Variants in ZFHX2 observed in about 807,000 individuals in gnomAD.
ZFHX2 encodes zinc finger homeobox protein 2.
A neutral mutation model predicts 164.8 loss-of-function variants in ZFHX2; 75 were observed. The ratio of observed to expected loss-of-function variants is 0.46; its 90% CI spans 0.38 to 0.55. The LOEUF (loss-of-function observed/expected upper bound fraction) is 0.55, where lower values mean the gene tolerates loss of function less well. ZFHX2 is among the 20% of genes least tolerant of loss of function. ZFHX2 has a pLI of 0.00. For synonymous variants in ZFHX2, 1,217 were observed against 1,351.4 expected (o/e 0.90, Z 2.18); for missense variants, 2,933 against 3,308.0 (o/e 0.89, Z 2.78).
chr14:23,522,542 C>A lies in ZFHX2; in HGVS notation c.7139G>T (p.Gly2380Val). Residue 2380 changes from glycine (G) to valine (V), a missense_variant, in exon 10 of 10, where the codon GGG (glycine) becomes GTG (valine). Coordinates refer to ENST00000419474, the MANE Select transcript of ZFHX2 (RefSeq NM_033400.3). ...YFQQLYGMKK[G>V]LFPMNPMIPQ... is the part of the protein sequence containing the mutation. ...TATCATGGGGTTCATGGGAAATAGC[C>A]CCTTCTTCATGCCATAGAGCTGTTG... 6.5e-7 allele frequency: 1 copy of A among 1,527,306 alleles called. No individual in the cohort carries two copies. Among genetic ancestry groups the A allele is most frequent in the South Asian group, 1.2e-5 (1 of 83,386 alleles). The allele number at this position is 1,527,306 out of a possible 1,614,324, so 94.6% of individuals were successfully genotyped here. A position where few individuals can be genotyped will look rare whatever the true frequency, so the allele number is the denominator to read the frequency against.
At position 23,532,882 on chromosome 14, in the gene ZFHX2, A is replaced by G; in HGVS notation, c.2244T>C (p.Ala748=). The G allele has an allele frequency of 6.5e-7, 1 of 1,536,228 alleles. No individual in the cohort carries two copies. The highest frequency in any genetic ancestry group is 8.7e-7 in the Non-Finnish European group (1 of 1,146,928). Residue 748 remains alanine (A), a synonymous_variant, in exon 3 of 10, where the codon GCT becomes GCC. Coordinates refer to ENST00000419474, the MANE Select transcript of ZFHX2 (RefSeq NM_033400.3). The part of the protein sequence containing the change: ...HCSIGRSLPE[A]EWKEVAGDTH... Reference sequence around the variant, plus strand: ...TGTCACCAGCCACCTCCTTCCATTCAGCTTCCGGGAGGCTCCGGCCTATGC... The same window carrying G: ...TGTCACCAGCCACCTCCTTCCATTCGGCTTCCGGGAGGCTCCGGCCTATGC...
At position 23,526,366 on chromosome 14, in the gene ZFHX2, C is replaced by T. The variant is rs1044426743; in HGVS notation, c.3576G>A (p.Lys1192=). The change falls in exon 9 of 10, where the codon AAG becomes AAA. Residue 1192 remains lysine (K), a synonymous_variant. Transcript: ENST00000419474. The stretch of plus-strand genomic sequence containing the variant: ...TGAAGGACTCCTTACACACAGTGCA[C>T]TTATAGGGCCGGGCAGGGTCGAGAA... ...DKFLDPARPY[K]CTVCKESFTQ... 41 of 1,536,222 alleles carry T rather than the reference C, an allele frequency of 2.7e-5. No individual in the cohort carries two copies. Among genetic ancestry groups the T allele is most frequent in the Non-Finnish European group, 3.4e-5 (39 of 1,146,918 alleles).
rs223124 is a variant in ZFHX2, at chr14:23,523,533, T to G, written c.6409A>C (p.Ser2137Arg). Reference sequence around the variant, plus strand: ...CGCTGGGCTGCTAAGAGGCCCTCACTGCTGCCCCCAGTGCTCCCAGCGGCT... The same window carrying G: ...CGCTGGGCTGCTAAGAGGCCCTCACGGCTGCCCCCAGTGCTCCCAGCGGCT... ...GTAAGSTGGS[S>R]EGLLAAQRTD... The change falls in exon 9 of 10, where the codon AGT (serine) becomes CGT (arginine). Residue 2137 changes from serine (S) to arginine (R), a missense_variant. Transcript: ENST00000419474. This position sits in a 1 kb window ranked among gnomAD's most constrained non-coding sequence, Gnocchi z 4.1. 346,043 of 1,536,458 alleles carry G rather than the reference T, an allele frequency of 0.23. 40,379 individuals are homozygous for G. Among genetic ancestry groups the G allele is most frequent in the Admixed American group, 0.34 (17,266 of 50,976 alleles).
intron 1 of ZFHX2, among the ~76,000 whole-genome samples, chr14:23,549,068 C>G (rs1881690403): frequency 6.6e-6 from 1 of 152,150 alleles, no homozygotes; most frequent in Non-Finnish European, 1.5e-5. Context: ...CCTCCCTTCC[C>G]CCTCTTTACT....
At position 23,534,367 on chromosome 14, in the gene ZFHX2, T is replaced by G; in HGVS notation, c.959A>C (p.Gln320Pro). 1 of 1,536,798 alleles carries G rather than the reference T, an allele frequency of 6.5e-7. No homozygotes were observed. The highest frequency in any genetic ancestry group is 8.7e-7 in the Non-Finnish European group (1 of 1,147,024). Residue 320 changes from glutamine to proline, a missense_variant, in exon 2 of 10, where the codon CAG becomes CCG. Transcript: ENST00000419474. This position sits in a 1 kb window ranked among gnomAD's most constrained non-coding sequence, Gnocchi z 4.5. ...STVNMEANVA[Q>P]TEDGPPEAEV... is the part of the protein sequence containing the mutation. Reference sequence around the variant, plus strand: ...TGCCTCAGGGGGGCCATCCTCTGTCTGGGCCACATTCGCCTCCATGTTCAC... The same window carrying G: ...TGCCTCAGGGGGGCCATCCTCTGTCGGGGCCACATTCGCCTCCATGTTCAC...
rs1488909332 is a variant in ZFHX2, at chr14:23,524,748, C to G, written c.5194G>C (p.Glu1732Gln). Reference protein sequence around the residue: ...EQGLEPPAGPEGPLPEPPDGE... With the variant: ...EQGLEPPAGPQGPLPEPPDGE... ...TCTGGAGGCTCTGGTAATGGGCCCT[C>G]AGGCCCTGCTGGAGGTTCAAGGCCC... Residue 1732 changes from glutamate to glutamine, a missense_variant, in exon 9 of 10, where the codon GAG becomes CAG. Transcript: ENST00000419474. The surrounding 1 kb of genome is among the most constrained non-coding windows in gnomAD (Gnocchi z 5.6). The G allele has an allele frequency of 1.3e-6, 2 of 1,536,328 alleles. No individual in the cohort carries two copies. The highest frequency in any genetic ancestry group is 1.7e-6 in the Non-Finnish European group (2 of 1,146,968).
intron 4 of ZFHX2, chr14:23,530,882 A>G (rs998219300): frequency 1.4e-5 from 3 of 218,216 alleles, no homozygotes; most frequent in African/African-American, 7.2e-5. Flanking sequence ...GCCCATGCCC[A>G]CCTCTGGCAG....
chr14:23,531,908 C>T lies in ZFHX2; in HGVS notation c.2560-187G>A, dbSNP rs553941298. The stretch of plus-strand genomic sequence containing the variant: ...TCTCATGCCTCAGCCTCCCGAGTAG[C>T]TGGGATTACAGGCATGCGCACCACA... On this transcript the variant is annotated intron_variant, in intron 3 of 9. Coordinates refer to ENST00000419474, the MANE Select transcript of ZFHX2 (RefSeq NM_033400.3). The T allele has an allele frequency of 2.1e-5, 16 of 745,478 alleles. No homozygotes were observed. In the South Asian group the frequency reaches 1.0e-3, roughly 49 times the overall value. 46.2% of individuals were successfully genotyped at this position (745,478 alleles called of 1,614,324 possible). A position where few individuals can be genotyped will look rare whatever the true frequency, so the allele number is the denominator to read the frequency against.
At position 23,551,301 on chromosome 14, in the gene ZFHX2, G is replaced by GAA; in HGVS notation, c.-50+40_-50+41dup. Reference sequence around the variant, plus strand: ...GGGAAGAAGAGAGAGAGGGAGAGGAGAAAAAAACCAACCCAGCAGCATCGG... The same window carrying GAA: ...GGGAAGAAGAGAGAGAGGGAGAGGAGAAAAAAAAACCAACCCAGCAGCATCGG... On this transcript the variant is annotated intron_variant, in intron 1 of 9. Transcript: ENST00000419474. The surrounding 1 kb of genome is among the most constrained non-coding windows in gnomAD (Gnocchi z 5.3). 1 of 152,564 alleles carries GAA rather than the reference G, an allele frequency of 6.6e-6. No homozygotes were observed. The highest frequency in any genetic ancestry group is 2.4e-5 in the African/African-American group (1 of 41,456). 9.5% of individuals were successfully genotyped at this position (152,564 alleles called of 1,614,324 possible).
intron 3 of ZFHX2, 119 bp from the exon 4 acceptor site, chr14:23,531,840 T>C: frequency 8.2e-7 from 1 of 1,213,388 alleles, no homozygotes. Flanking sequence ...TGCAGTGGCA[T>C]GATCTCTACT....
rs760614110 is a variant in ZFHX2, at chr14:23,532,748, C to T, written c.2378G>A (p.Arg793Gln). The change falls in exon 3 of 10, where the codon CGG (arginine) becomes CAG (glutamine). Residue 793 changes from arginine (R) to glutamine (Q), a missense_variant. Arg to Gln is a conservative substitution (Grantham distance 43). Coordinates refer to ENST00000419474, the MANE Select transcript of ZFHX2 (RefSeq NM_033400.3). The stretch of plus-strand genomic sequence containing the variant: ...GGTGCCCATGGCTCCACCCCCCTCC[C>T]GCAGGTGGGCTGCCAGCTGGTACTT... The part of the protein sequence containing the change: ...AQKYQLAAHL[R>Q]EGGGAMGTPS... 33 of 1,536,046 alleles carry T rather than the reference C, an allele frequency of 2.1e-5. No homozygotes were observed. Among genetic ancestry groups the T allele is most frequent in the Middle Eastern group, 1.7e-4 (1 of 6,014 alleles).
Position 23,527,677 on chromosome 14 carries a change from C to T in ZFHX2, c.3062G>A (p.Arg1021Gln), listed in dbSNP as rs773248199. 62 of 1,536,178 alleles carry T rather than the reference C, an allele frequency of 4.0e-5. No individual in the cohort carries two copies. The Admixed American group carries it at 6.7e-4, about 17-fold the overall frequency. Reference sequence around the variant, plus strand: ...GCTAAGGTGGAAGTGCAGGGCAGGCCGGCCCACCAGCTGTTCCTGGCACAG... The same window carrying T: ...GCTAAGGTGGAAGTGCAGGGCAGGCTGGCCCACCAGCTGTTCCTGGCACAG... ...CPLCQEQLVGRPALHFHLSHL... is the reference protein window; with the variant it reads ...CPLCQEQLVGQPALHFHLSHL... Residue 1021 changes from arginine to glutamine, a missense_variant, in exon 7 of 10, where the codon CGG becomes CAG. By Grantham distance (43) the Arg-to-Gln change is conservative. Coordinates refer to ENST00000419474, the MANE Select transcript of ZFHX2 (RefSeq NM_033400.3).
intron 4 of ZFHX2, chr14:23,530,401 C>T: frequency 1.5e-6 from 1 of 684,646 alleles, no homozygotes; most frequent in South Asian, 1.5e-5. Context: ...CTGGTAGGGC[C>T]TAAGAGATCA....
rs1878251530 is a variant in ZFHX2 at position 23,523,107 on chromosome 14, G to A, written c.6739+96C>T. The A allele has an allele frequency of 7.1e-7, 1 of 1,404,258 alleles. No individual in the cohort carries two copies. Among genetic ancestry groups the A allele is most frequent in the South Asian group, 1.7e-5 (1 of 58,414 alleles). The allele number at this position is 1,404,258 out of a possible 1,614,324, so 87.0% of individuals were successfully genotyped here. On this transcript the variant is annotated intron_variant, in intron 9 of 9. Transcript: ENST00000419474. This position sits in a 1 kb window ranked among gnomAD's most constrained non-coding sequence, Gnocchi z 4.1. ...CCTGATGCAAAGGAAGGCCACAGGA[G>A]ATTGGGCATGGGAAGAATCAGGAAG...
At position 23,533,444 on chromosome 14, in the gene ZFHX2, G is replaced by C; in HGVS notation, c.1882C>G (p.Pro628Ala). The C allele has an allele frequency of 1.3e-6, 2 of 1,532,920 alleles. No homozygotes were observed. The highest frequency in any genetic ancestry group is 2.0e-5 in the Admixed American group (1 of 50,866). The allele number at this position is 1,532,920 out of a possible 1,614,324, so 95.0% of individuals were successfully genotyped here. A position where few individuals can be genotyped will look rare whatever the true frequency, so the allele number is the denominator to read the frequency against. ...PPPPGATPTSPPELFQYFGPQ... is the reference protein window; with the variant it reads ...PPPPGATPTSAPELFQYFGPQ... ...CCAAAGTACTGGAAGAGTTCAGGGG[G>C]GCTAGTGGGGGTAGCCCCTGGTGGG... Residue 628 changes from proline to alanine, a missense_variant, in exon 2 of 10, where the codon CCC (proline) becomes GCC (alanine). Pro to Ala is a conservative substitution (Grantham distance 27). Transcript: ENST00000419474. The surrounding 1 kb of genome is among the most constrained non-coding windows in gnomAD (Gnocchi z 4.8).
At position 23,523,118 on chromosome 14, in the gene ZFHX2, G is replaced by C. The variant is rs1317410101; in HGVS notation, c.6739+85C>G. 2 of 1,401,120 alleles carry C rather than the reference G, an allele frequency of 1.4e-6. No individual in the cohort carries two copies. Among genetic ancestry groups the C allele is most frequent in the Admixed American group, 6.4e-5 (2 of 31,018 alleles). The allele number at this position is 1,401,120 out of a possible 1,614,324, so 86.8% of individuals were successfully genotyped here. On this transcript the variant is annotated intron_variant, in intron 9 of 9. Coordinates refer to ENST00000419474, the MANE Select transcript of ZFHX2 (RefSeq NM_033400.3). This position sits in a 1 kb window ranked among gnomAD's most constrained non-coding sequence, Gnocchi z 4.1. ...GGAAGGCCACAGGAGATTGGGCATG[G>C]GAAGAATCAGGAAGGAAAAGGAAGG... is the stretch of plus-strand genomic sequence containing the variant.
At position 23,535,020 on chromosome 14, in the gene ZFHX2, T is replaced by G; in HGVS notation, c.306A>C (p.Glu102Asp). The change falls in exon 2 of 10, where the codon GAA becomes GAC. Residue 102 changes from glutamate to aspartate, a missense_variant. Transcript: ENST00000419474. This position sits in a 1 kb window ranked among gnomAD's most constrained non-coding sequence, Gnocchi z 4.5. ...VEKDKEQEEEEEGLPPMDLSN... is the reference protein window; with the variant it reads ...VEKDKEQEEEDEGLPPMDLSN... ...TTAGGTCCATGGGAGGGAGCCCTTC[T>G]TCTTCCTCCTCCTGCTCCTTGTCCT... is the stretch of plus-strand genomic sequence containing the variant. 1 of 1,536,166 alleles carries G rather than the reference T, an allele frequency of 6.5e-7. No individual in the cohort carries two copies. The highest frequency in any genetic ancestry group is 8.7e-7 in the Non-Finnish European group (1 of 1,146,864).
intron 6 of ZFHX2, chr14:23,528,923 G>T (rs1047775615): frequency 6.8e-5 from 53 of 783,180 alleles, no homozygotes; most frequent in Admixed American, 1.9e-4. Flanking sequence ...AAAGGAAGGG[G>T]ATCCAGATGC....
Position 23,548,976 on chromosome 14 carries a change from T to C in ZFHX2, c.-50+2367A>G, listed in dbSNP as rs910767123. Among the ~76,000 whole-genome samples the C allele has an allele frequency of 5.3e-5, 8 of 152,200 alleles. No homozygotes were observed. In the South Asian group the frequency reaches 1.7e-3, roughly 31 times the overall value. On this transcript the variant is annotated intron_variant, in intron 1 of 9. Transcript: ENST00000419474. ...CCTACCAAGCTCTGTGCAGCTCTGA[T>C]CTGCCTCAGCACTCCTTCGTTTGCC...
Sources: gnomAD v4.1 joint callset for allele counts (sites outside exome capture counted in the v4.1 genomes callset) on GRCh38, gnomAD v4.1.1 for gene constraint, Gnocchi (gnomAD v3.1) non-coding constraint, MANE v1.5 for transcripts, NCBI Gene and HGNC (gene_info 2026-07-23, HGNC 2026-07-21) for gene names.